The following HEATR4 variants were observed in gnomAD, a reference collection of about 807,000 sequenced individuals.
HEATR4 encodes the protein HEAT repeat containing 4.
Under a neutral mutation model 108.8 loss-of-function variants are expected in HEATR4, and 95 were observed. That is an observed-to-expected ratio of 0.87 (90% confidence interval 0.74 to 1.04). HEATR4 has a LOEUF of 1.04. Among genes scored for constraint, HEATR4 ranks in the 50% least tolerant of loss-of-function variants. The pLI, the probability that HEATR4 is intolerant of heterozygous loss-of-function variation, is 0.00. For synonymous variants in HEATR4, 443 were observed against 459.4 expected (o/e 0.96, Z 0.46); for missense variants, 1,152 against 1,253.8 (o/e 0.92, Z 1.23).
chr14:73,482,916 C>T (rs923104335), intron 17 of HEATR4, among the ~76,000 whole-genome samples: 1 of 152,226 alleles, frequency 6.6e-6, no homozygotes, highest in Non-Finnish European at 1.5e-5. Context: ...CCATCTCAGC[C>T]TCCCAAAGTG....
chr14:73,492,287 C>A lies in HEATR4; in HGVS notation c.2844+779G>T. On this transcript the variant is annotated intron_variant, in intron 17 of 17. Coordinates refer to ENST00000553558, the MANE Select transcript of HEATR4 (RefSeq NM_001220484.1). This position sits in a 1 kb window ranked among gnomAD's most constrained non-coding sequence, Gnocchi z 4.9. ...TCTGCACCTCACCTTGTCCACGTAC[C>A]AGCGCAATACCTGGGGTGACTTCTT... 6.2e-7 allele frequency: 1 copy of A among 1,614,028 alleles called. No homozygotes were observed. The highest frequency in any genetic ancestry group is 8.5e-7 in the Non-Finnish European group (1 of 1,179,910).
At chr14:73,484,466 T>C (rs1885370239) in intron 17 of HEATR4, among the ~76,000 whole-genome samples, 1 of 151,964 alleles carries the variant, frequency 6.6e-6, no homozygotes, top group African/African-American at 2.4e-5. Flanking sequence ...GCAACCTCTG[T>C]CTCCCGCATT....
chr14:73,582,241 C>T, the HEATR4 span: 1 of 149,828 alleles, frequency 6.7e-6, no homozygotes, highest in Admixed American at 6.6e-5. Flanking sequence ...CTCTCTGACC[C>T]ACTTGCTCAG....
the HEATR4 span, chr14:73,568,105 A>G: frequency 6.6e-6 from 1 of 152,094 alleles, no homozygotes; most frequent in Non-Finnish European, 1.5e-5. Flanking sequence ...CTAGGCACAG[A>G]ACATACTTGA....
the HEATR4 span, among the ~76,000 whole-genome samples, chr14:73,576,866 G>GTT: frequency 4.3e-5 from 3 of 70,576 alleles, no homozygotes; most frequent in African/African-American, 1.5e-4. Context: ...CAATAAACTT[G>GTT]TTTTTTTTTT....
the HEATR4 span, among the ~76,000 whole-genome samples, chr14:73,605,652 C>A: frequency 0.015 from 2,169 of 144,092 alleles, 55 homozygotes; most frequent in African/African-American, 0.052. Context: ...CTCACTGCAA[C>A]CTCCATCTCC....
the HEATR4 span, among the ~76,000 whole-genome samples, chr14:73,586,944 G>C: frequency 6.6e-6 from 1 of 152,042 alleles, no homozygotes; most frequent in Non-Finnish European, 1.5e-5. Context: ...GTCTCAAGCA[G>C]TCTTCCCACC....
chr14:73,491,148 G>C (rs1420552818), intron 17 of HEATR4: 15 of 1,607,876 alleles, frequency 9.3e-6, no homozygotes, highest in Non-Finnish European at 1.3e-5. Flanking sequence ...AAGCAGCTGC[G>C]AAGTGTTGTA....
chr14:73,582,418 C>G, the HEATR4 span: 17 of 150,866 alleles, frequency 1.1e-4, 1 homozygote, highest in African/African-American at 2.7e-4. Context: ...AGGATAGGTA[C>G]TTAAGGGAGT....
At chr14:73,632,883 T>C in the HEATR4 span, among the ~76,000 whole-genome samples, 16 of 151,486 alleles carry the variant, frequency 1.1e-4, no homozygotes, top group African/African-American at 2.9e-4. Flanking sequence ...TGTAATATAC[T>C]TGTAAGCTTT....
intron 2 of HEATR4, among the ~76,000 whole-genome samples, chr14:73,523,575 G>A (rs1214671338): frequency 6.6e-6 from 1 of 152,150 alleles, no homozygotes; most frequent in African/African-American, 2.4e-5. Context: ...GGCATTCAGG[G>A]TTCTCCATGA....
the HEATR4 span, chr14:73,569,082 T>C: frequency 3.3e-6 from 3 of 896,550 alleles, no homozygotes; most frequent in Non-Finnish European, 5.1e-6. Flanking sequence ...GAAGTAGCTT[T>C]CCAACATAAA....
the HEATR4 span, among the ~76,000 whole-genome samples, chr14:73,576,470 T>G: frequency 6.6e-6 from 1 of 151,926 alleles, no homozygotes; most frequent in South Asian, 2.1e-4. Context: ...TTGAGATGAA[T>G]TACATAAGTG....
At chr14:73,495,915 G>A (rs1886084461) in intron 15 of HEATR4, among the ~76,000 whole-genome samples, 1 of 152,126 alleles carries the variant, frequency 6.6e-6, no homozygotes, top group African/African-American at 2.4e-5. Flanking sequence ...ATCACTTGAG[G>A]CCAGGAGTTC....
the HEATR4 span, among the ~76,000 whole-genome samples, chr14:73,624,552 T>G: frequency 6.6e-6 from 1 of 152,128 alleles, no homozygotes; most frequent in Non-Finnish European, 1.5e-5. Context: ...CAGTGAACCA[T>G]GATCACACCA....
the HEATR4 span, among the ~76,000 whole-genome samples, chr14:73,583,602 G>C: frequency 4.2e-4 from 64 of 152,116 alleles, 1 homozygote; most frequent in South Asian, 1.7e-3. Context: ...GTGCCAGAGC[G>C]CCAGAGTGAG....
In HEATR4 at chr14:73,550,174, T is replaced by C. The variant is rs184498179; in HGVS notation, c.-152+8577A>G. On this transcript the variant is annotated intron_variant, in intron 1 of 17. Transcript: ENST00000553558. ...ACTGGAACATTATAAAACATTAACT[T>C]TTCCATTTGAGATATTCTTTCAGGT... Among the ~76,000 whole-genome samples, 12 of 113,416 alleles carry C rather than the reference T, an allele frequency of 1.1e-4. 6 individuals carry two copies. In the East Asian group the frequency reaches 8.4e-3, roughly 79 times the overall value. 74.4% of individuals were successfully genotyped at this position (113,416 alleles called of 152,430 possible).
the HEATR4 span, chr14:73,569,818 C>T: frequency 5.0e-6 from 8 of 1,599,882 alleles, no homozygotes; most frequent in South Asian, 1.1e-5. Flanking sequence ...TACTTCCTCC[C>T]GCCCGGGGTG....
In HEATR4 at chr14:73,527,739, A is replaced by G. The variant is rs915559550; in HGVS notation, c.-73+2427T>C. 1.8e-4 allele frequency among the ~76,000 whole-genome samples: 28 copies of G among 152,086 alleles called. 1 individual carries two copies. Among genetic ancestry groups the G allele is most frequent in the African/African-American group, 6.7e-4 (28 of 41,504 alleles). ...ATGCCTGTAATCCTAGCACTTTGGGAGGCCAAGGCAGGTGGATCACCTGAG... is the reference window on the plus strand; with the variant it reads ...ATGCCTGTAATCCTAGCACTTTGGGGGGCCAAGGCAGGTGGATCACCTGAG... On this transcript the variant is annotated intron_variant, in intron 2 of 17. Coordinates refer to ENST00000553558, the MANE Select transcript of HEATR4 (RefSeq NM_001220484.1).
Sources: gnomAD v4.1 joint callset for allele counts (sites outside exome capture counted in the v4.1 genomes callset) on GRCh38, gnomAD v4.1.1 for gene constraint, Gnocchi (gnomAD v3.1) non-coding constraint, MANE v1.5 for transcripts, NCBI Gene and HGNC (gene_info 2026-07-23, HGNC 2026-07-21) for gene names.